Variants in FAT3 observed in about 807,000 individuals in gnomAD.
FAT3 encodes the protein protocadherin Fat 3.
In FAT3, 95 loss-of-function variants were observed where a neutral mutation model predicts 310.2. That is an observed-to-expected ratio of 0.31 (90% CI 0.26 to 0.36). The LOEUF (loss-of-function observed/expected upper bound fraction) is 0.36, where lower values mean the gene tolerates loss of function less well. FAT3 is among the 10% of genes least tolerant of loss of function. The probability of loss-of-function intolerance (pLI) is 1.00; values close to 1 mark genes in which losing one functional copy is unlikely to be tolerated. For synonymous variants in FAT3, 2,314 were observed against 2,192.9 expected, an observed-to-expected ratio of 1.06 and a Z score of -1.54; for missense variants, 5,408 against 5,715.6, an observed-to-expected ratio of 0.95 and a Z score of 1.74.
intron 4 of FAT3, among the ~76,000 whole-genome samples, chr11:92,699,800 C>T (rs749996954): frequency 6.6e-6 from 1 of 152,178 alleles, no homozygotes; most frequent in African/African-American, 2.4e-5. Context: ...TGTAAAACAT[C>T]CAGTCCAGTG....
At chr11:92,427,766 T>C (rs1028518628) in intron 2 of FAT3, among the ~76,000 whole-genome samples, 3 of 152,194 alleles carry the variant, frequency 2.0e-5, no homozygotes, top group Non-Finnish European at 4.4e-5. Context: ...CTGGATTTGT[T>C]TTGCCAGTAT....
chr11:92,860,819 GT>G (rs1949101456), intron 21 of FAT3, among the ~76,000 whole-genome samples: 1 of 152,188 alleles, frequency 6.6e-6, no homozygotes, highest in African/African-American at 2.4e-5. Context: ...CCCACGTCTG[GT>G]ATTGCCAGGT....
At chr11:92,387,460 T>TGTTGGAAACCA (rs1949651603) in intron 2 of FAT3, among the ~76,000 whole-genome samples, 1 of 152,056 alleles carries the variant, frequency 6.6e-6, no homozygotes, top group African/African-American at 2.4e-5. Flanking sequence ...GAACACTAGT[T>TGTTGGAAACCA]GTTGGAAACC....
chr11:92,323,585 CTT>C (rs1206086265), intron 1 of FAT3, among the ~76,000 whole-genome samples: 10,545 of 133,732 alleles, frequency 0.079, 482 homozygotes, highest in African/African-American at 0.14. Context: ...CTTTTTTTTT[CTT>C]TTTTTTTTTT....
intron 3 of FAT3, among the ~76,000 whole-genome samples, chr11:92,639,152 A>T (rs955588811): frequency 6.6e-6 from 1 of 152,222 alleles, no homozygotes; most frequent in African/African-American, 2.4e-5. Context: ...GGAATCAACC[A>T]TCTAGCCCTT....
intron 1 of FAT3, among the ~76,000 whole-genome samples, chr11:92,348,656 G>A (rs1005908701): frequency 2.0e-5 from 3 of 152,134 alleles, no homozygotes; most frequent in African/African-American, 7.2e-5. Context: ...TTCAATTGAA[G>A]CGTGTTTCAG....
chr11:92,765,999 C>G (rs1439787362), intron 6 of FAT3, among the ~76,000 whole-genome samples: 1 of 151,992 alleles, frequency 6.6e-6, no homozygotes, highest in Non-Finnish European at 1.5e-5. Flanking sequence ...GGCTGTCGTC[C>G]ATAAGAGGAA....
intron 4 of FAT3, among the ~76,000 whole-genome samples, chr11:92,747,132 A>T (rs749324200): frequency 7.2e-5 from 11 of 152,136 alleles, no homozygotes; most frequent in Non-Finnish European, 1.6e-4. Context: ...TTCCTTCTGA[A>T]CTGCCCTAGC....
At chr11:92,328,994 C>T (rs548687099) in intron 1 of FAT3, among the ~76,000 whole-genome samples, 2 of 152,166 alleles carry the variant, frequency 1.3e-5, no homozygotes, top group South Asian at 4.2e-4. Flanking sequence ...TACTTAAAAA[C>T]CTTCAAACAA....
At chr11:92,619,908 A>G (rs1941004036) in intron 3 of FAT3, among the ~76,000 whole-genome samples, 1 of 151,620 alleles carries the variant, frequency 6.6e-6, no homozygotes, top group East Asian at 1.9e-4. Flanking sequence ...TTTTCACTGG[A>G]AGTTTAGGTT....
In FAT3 at chr11:92,352,767, T is replaced by G; in HGVS notation, c.655T>G (p.Leu219Val). 6.2e-7 allele frequency: 1 copy of G among 1,613,878 alleles called. No homozygotes were observed. The highest frequency in any genetic ancestry group is 8.5e-7 in the Non-Finnish European group (1 of 1,179,892). ...TSGVISLSGR[L>V]NYDEKNRYDL... ...TGGTGTCATCTCCTTAAGTGGTCGA[T>G]TAAATTATGATGAAAAGAATAGGTA... The change falls in exon 2 of 28, where the codon TTA becomes GTA. Residue 219 changes from leucine to valine, a missense_variant. Physicochemically the swap from Leu to Val is conservative, Grantham distance 32 (BLOSUM62 1). Around this residue, in one of 5 missense-constraint regions of FAT3, gnomAD observed 4,588 missense variants for 4,809.8 expected, o/e 0.95. Coordinates refer to ENST00000525166, the MANE Select transcript of FAT3 (RefSeq NM_001367949.2).
chr11:92,370,448 G>C (rs1445226007), intron 2 of FAT3, among the ~76,000 whole-genome samples: 1 of 152,160 alleles, frequency 6.6e-6, no homozygotes, highest in East Asian at 1.9e-4. Context: ...TTGGTCCTCT[G>C]TCCTCATACG....
At chr11:92,280,689 C>T (rs1348349102) in intron 1 of FAT3, among the ~76,000 whole-genome samples, 2 of 152,136 alleles carry the variant, frequency 1.3e-5, no homozygotes, top group Admixed American at 6.5e-5. Context: ...ATTCAGCTCC[C>T]AAGGCTGTTC....
chr11:92,770,939 T>C (rs1946440898), intron 6 of FAT3, among the ~76,000 whole-genome samples: 1 of 152,192 alleles, frequency 6.6e-6, no homozygotes, highest in South Asian at 2.1e-4. Context: ...AGAAATCCAT[T>C]GTGCCTCATC....
chr11:92,451,096 G>A (rs1478489862), intron 2 of FAT3, among the ~76,000 whole-genome samples: 1 of 152,116 alleles, frequency 6.6e-6, no homozygotes, highest in Non-Finnish European at 1.5e-5. Flanking sequence ...GAAAGGTTTA[G>A]GTGATTTTGC....
chr11:92,250,931 A>T (rs1421316161), intron 1 of FAT3, among the ~76,000 whole-genome samples: 1 of 152,160 alleles, frequency 6.6e-6, no homozygotes, highest in African/African-American at 2.4e-5. Context: ...CAGTTTAGTA[A>T]AATGACATCC....
chr11:92,323,575 CTTT>C (rs1032833902), intron 1 of FAT3, among the ~76,000 whole-genome samples: 2 of 138,870 alleles, frequency 1.4e-5, no homozygotes, highest in Non-Finnish European at 3.0e-5. Flanking sequence ...TTAAGGGAAT[CTTT>C]TTTTTTCTTT....
intron 2 of FAT3, among the ~76,000 whole-genome samples, chr11:92,437,949 G>C (rs1363000056): frequency 6.6e-6 from 1 of 152,084 alleles, no homozygotes; most frequent in Admixed American, 6.5e-5. Flanking sequence ...GCTAAAGGAA[G>C]GGTAATTGGA....
chr11:92,761,870 T>C lies in FAT3; in HGVS notation c.3684T>C (p.Asp1228=), dbSNP rs72962460. 40,119 of 1,613,510 alleles carry C rather than the reference T, an allele frequency of 0.025. 573 individuals are homozygous for C. Among genetic ancestry groups the C allele is most frequent in the Non-Finnish European group, 0.029 (33,956 of 1,179,520 alleles). The change falls in exon 5 of 28, where the codon GAT becomes GAC. Residue 1228 remains aspartate, a synonymous_variant. Coordinates refer to ENST00000525166, the MANE Select transcript of FAT3 (RefSeq NM_001367949.2). ...CTCTTTTTCAGGTGACTGTGACAGATGGTGGTCCCTCTCCAAAACAGTCAA... is the reference window on the plus strand; with the variant it reads ...CTCTTTTTCAGGTGACTGTGACAGACGGTGGTCCCTCTCCAAAACAGTCAA... ...AEHFLEVTVT[D]GGPSPKQSTI...
Sources: gnomAD v4.1 joint callset for allele counts (sites outside exome capture counted in the v4.1 genomes callset) on GRCh38, gnomAD v4.1.1 for gene constraint, gnomAD v4.1.1 regional missense constraint, MANE v1.5 for transcripts, NCBI Gene and HGNC (gene_info 2026-07-23, HGNC 2026-07-21) for gene names.